FRMD4A: variants seen among roughly 807,000 people sequenced by gnomAD.
FRMD4A encodes the protein FERM domain-containing protein 4A.
Under a neutral mutation model 129.1 loss-of-function variants are expected in FRMD4A, and 29 were observed. That is an observed-to-expected ratio of 0.22 (90% confidence interval 0.17 to 0.31). The LOEUF is 0.31. Among genes scored for constraint, FRMD4A ranks in the 10% least tolerant of loss-of-function variants. The pLI, the probability that FRMD4A is intolerant of heterozygous loss-of-function variation, is 1.00. For missense variants in FRMD4A, 1,272 were observed against 1,375.8 expected, an observed-to-expected ratio of 0.92 and a Z score of 1.19; for synonymous variants, 634 against 571.6, an observed-to-expected ratio of 1.11 and a Z score of -1.56.
rs981647515 is a variant in FRMD4A, at chr10:13,810,966, T to C, written c.112-58A>G. The C allele has an allele frequency of 7.2e-6, 6 of 835,982 alleles. No individual in the cohort carries two copies. The African/African-American group carries it at 1.0e-4, about 14-fold the overall frequency. 51.8% of individuals were successfully genotyped at this position (835,982 alleles called of 1,614,324 possible). A position where few individuals can be genotyped will look rare whatever the true frequency, so the allele number is the denominator to read the frequency against. ...TGATGAGAGACTGCTTTTCCTAAAATATGCAATCTCAGGTTTCCATAATTT... is the reference window on the plus strand; with the variant it reads ...TGATGAGAGACTGCTTTTCCTAAAACATGCAATCTCAGGTTTCCATAATTT... On this transcript the variant is annotated intron_variant, in intron 3 of 24. Coordinates refer to ENST00000357447, the MANE Select transcript of FRMD4A (RefSeq NM_018027.5).
chr10:14,268,897 G>A (rs1845069436), intron 2 of FRMD4A, among the ~76,000 whole-genome samples: 1 of 152,002 alleles, frequency 6.6e-6, no homozygotes, highest in Non-Finnish European at 1.5e-5. Context: ...TGGAAGTTGG[G>A]TTAGGAAAAT....
chr10:13,789,111 A>C (rs2092934055), intron 5 of FRMD4A, among the ~76,000 whole-genome samples: 1 of 139,848 alleles, frequency 7.2e-6, no homozygotes, highest in African/African-American at 2.5e-5. Context: ...GAAAGCAATA[A>C]GCTGTGAGTT....
intron 2 of FRMD4A, among the ~76,000 whole-genome samples, chr10:13,934,943 T>C (rs1376985851): frequency 1.3e-5 from 2 of 152,176 alleles, no homozygotes; most frequent in Non-Finnish European, 2.9e-5. Context: ...AGGTGAGGCC[T>C]CTGTCTGCTT....
intron 2 of FRMD4A, among the ~76,000 whole-genome samples, chr10:14,287,808 CCT>C (rs1491382828): frequency 6.6e-6 from 1 of 152,132 alleles, no homozygotes; most frequent in Non-Finnish European, 1.5e-5. Flanking sequence ...GTTCTTGAGG[CCT>C]TTTTTGCAAA....
At chr10:13,754,277 A>G (rs1033039957) in intron 8 of FRMD4A, among the ~76,000 whole-genome samples, 4 of 131,054 alleles carry the variant, frequency 3.1e-5, no homozygotes, top group South Asian at 2.6e-4. Context: ...GAATTTGAAG[A>G]ATATCATCCT....
intron 2 of FRMD4A, among the ~76,000 whole-genome samples, chr10:14,133,284 G>A (rs1237198069): frequency 1.3e-5 from 2 of 152,180 alleles, no homozygotes; most frequent in Non-Finnish European, 2.9e-5. Flanking sequence ...TATAAAGCTG[G>A]TATCAAGTAA....
chr10:13,657,664 C>G, intron 21 of FRMD4A, 142 bp from the exon 22 acceptor site: 1 of 1,224,600 alleles, frequency 8.2e-7, no homozygotes, highest in South Asian at 1.7e-5. Flanking sequence ...GAGTCTCACT[C>G]AGCAGGGCTG....
At chr10:14,083,762 A>C (rs1836074207) in intron 2 of FRMD4A, 1 of 152,214 alleles carries the variant, frequency 6.6e-6, no homozygotes, top group Admixed American at 6.5e-5. Context: ...AAAGCAGGCC[A>C]ACGATTGCAA....
At chr10:14,291,189 T>C (rs1397021049) in intron 2 of FRMD4A, among the ~76,000 whole-genome samples, 3 of 152,104 alleles carry the variant, frequency 2.0e-5, no homozygotes, top group African/African-American at 4.8e-5. Context: ...TTCAGAACAC[T>C]GGAAATAACA....
intron 6 of FRMD4A, among the ~76,000 whole-genome samples, chr10:13,777,327 TATC>T (rs1210769051): frequency 1.3e-5 from 2 of 152,274 alleles, no homozygotes; most frequent in African/African-American, 4.8e-5. Flanking sequence ...GAGGCTCAAA[TATC>T]ATAGTATATA....
intron 4 of FRMD4A, among the ~76,000 whole-genome samples, chr10:13,802,368 C>T (rs114531323): frequency 0.016 from 2,452 of 152,164 alleles, 51 homozygotes; most frequent in African/African-American, 0.055. Context: ...TGACACTGCA[C>T]AGCTTCTAGA....
chr10:13,791,566 A>G (rs2093001740), intron 5 of FRMD4A, among the ~76,000 whole-genome samples: 1 of 152,188 alleles, frequency 6.6e-6, no homozygotes, highest in African/African-American at 2.4e-5. Flanking sequence ...TGGCCAAAAA[A>G]TAGGACAGGC....
At chr10:14,306,082 A>G (rs966955557) in intron 2 of FRMD4A, among the ~76,000 whole-genome samples, 6 of 152,208 alleles carry the variant, frequency 3.9e-5, no homozygotes, top group African/African-American at 9.7e-5. Flanking sequence ...CACGGCACAC[A>G]TTTATATAAC....
At chr10:13,855,850 G>T (rs2094204738) in intron 3 of FRMD4A, among the ~76,000 whole-genome samples, 1 of 151,922 alleles carries the variant, frequency 6.6e-6, no homozygotes, top group African/African-American at 2.4e-5. Context: ...ACAGAATTTT[G>T]CAGAGGAGAA....
intron 2 of FRMD4A, among the ~76,000 whole-genome samples, chr10:14,106,686 C>G (rs1431201128): frequency 6.6e-6 from 1 of 152,132 alleles, no homozygotes; most frequent in Non-Finnish European, 1.5e-5. Flanking sequence ...GCAAAATCAC[C>G]ACTACCAACA....
chr10:13,775,065 T>G (rs1419100045), intron 6 of FRMD4A, among the ~76,000 whole-genome samples: 1 of 151,686 alleles, frequency 6.6e-6, no homozygotes, highest in African/African-American at 2.4e-5. Context: ...AAGACAGAGA[T>G]AGACAGCTGG....
intron 2 of FRMD4A, among the ~76,000 whole-genome samples, chr10:14,070,221 C>T (rs1835255391): frequency 6.6e-6 from 1 of 152,192 alleles, no homozygotes; most frequent in Non-Finnish European, 1.5e-5. Flanking sequence ...CTCCACCCTG[C>T]AGGGACCCCT....
rs922399947 is a variant in FRMD4A, at chr10:13,659,574, C to A, written c.1899-84G>T. On this transcript the variant is annotated intron_variant, in intron 20 of 24. Transcript: ENST00000357447. ...GCTGGCTAGTTCAGGACAATGATCC[C>A]AGCATGTGGGGAAAGCTCGCCCGTG... The A allele has an allele frequency of 5.8e-6, 8 of 1,374,854 alleles. No individual in the cohort carries two copies. The Middle Eastern group carries it at 1.0e-3, about 177-fold the overall frequency. 85.2% of individuals were successfully genotyped at this position (1,374,854 alleles called of 1,614,324 possible). A position where few individuals can be genotyped will look rare whatever the true frequency, so the allele number is the denominator to read the frequency against.
At chr10:13,951,361 T>C (rs997870061) in intron 2 of FRMD4A, among the ~76,000 whole-genome samples, 19 of 152,040 alleles carry the variant, frequency 1.2e-4, no homozygotes, top group African/African-American at 4.6e-4. Context: ...CGTAGCAGGC[T>C]TGAGAGAACG....
Sources: allele counts gnomAD v4.1 joint callset (sites outside exome capture counted in the v4.1 genomes callset), GRCh38; gene constraint gnomAD v4.1.1; transcripts MANE v1.5; gene names NCBI Gene and HGNC (gene_info 2026-07-23, HGNC 2026-07-21).